FMN1: variants seen among roughly 807,000 people sequenced by gnomAD.
FMN1 encodes the protein formin 1.
Under a neutral mutation model 132.4 loss-of-function variants are expected in FMN1, and 110 were observed. That is an observed-to-expected ratio of 0.83 (90% CI 0.71 to 0.97). The LOEUF (loss-of-function observed/expected upper bound fraction) is 0.97, where lower values mean the gene tolerates loss of function less well. FMN1 is among the 50% of genes least tolerant of loss of function. The probability of loss-of-function intolerance (pLI) is 0.00; values close to 1 mark genes in which losing one functional copy is unlikely to be tolerated. For missense variants in FMN1, 1,792 were observed against 1,705.3 expected (o/e 1.05, Z -0.90); for synonymous variants, 722 against 651.7 (o/e 1.11, Z -1.64).
intron 6 of FMN1, among the ~76,000 whole-genome samples, chr15:33,031,829 T>C (rs1384990023): frequency 6.6e-6 from 1 of 152,226 alleles, no homozygotes; most frequent in South Asian, 2.1e-4. Flanking sequence ...TCATCAAGTT[T>C]CTATGTCCTA....
chr15:33,153,054 G>A lies in FMN1; in HGVS notation c.1861C>T (p.Pro621Ser). Reference protein sequence around the residue: ...KTTAEPQHQSPPGISSEGFPW... With the variant: ...KTTAEPQHQSSPGISSEGFPW... Reference sequence around the variant, plus strand: ...ATCTTAAACAGAGACTAACCTGGAGGTGACTGGTGCTGGGGCTCAGCTGTG... The same window carrying A: ...ATCTTAAACAGAGACTAACCTGGAGATGACTGGTGCTGGGGCTCAGCTGTG... The change falls in exon 4 of 21, where the codon CCT becomes TCT. Residue 621 changes from proline (P) to serine (S), a missense_variant. Pro to Ser is a moderately conservative substitution (Grantham distance 74). This residue lies in a region of FMN1 where 1,150 missense variants were observed against 1,043.1 expected (regional missense o/e 1.10). Transcript: ENST00000616417. 2.6e-6 allele frequency: 4 copies of A among 1,519,948 alleles called. No individual in the cohort carries two copies. Among genetic ancestry groups the A allele is most frequent in the Non-Finnish European group, 3.5e-6 (4 of 1,140,322 alleles). The allele number at this position is 1,519,948 out of a possible 1,614,324, so 94.2% of individuals were successfully genotyped here.
At position 33,153,222 on chromosome 15, in the gene FMN1, A is replaced by C; in HGVS notation, c.1693T>G (p.Cys565Gly). 1.3e-6 allele frequency: 2 copies of C among 1,536,020 alleles called. No individual in the cohort carries two copies. The highest frequency in any genetic ancestry group is 2.4e-5 in the East Asian group (1 of 40,886). Residue 565 changes from cysteine to glycine, a missense_variant, in exon 4 of 21, where the codon TGC becomes GGC. Cys to Gly is a radical substitution (Grantham distance 159, BLOSUM62 -3). This residue lies in a region of FMN1 where 1,150 missense variants were observed against 1,043.1 expected (regional missense o/e 1.10). Transcript: ENST00000616417. ...PCRKSRVFSGCVSADTLEPPS... is the reference protein window; with the variant it reads ...PCRKSRVFSGGVSADTLEPPS... The stretch of plus-strand genomic sequence containing the variant: ...GGCTCCAAGGTGTCAGCAGAGACGC[A>C]CCCAGAGAAGACACGGCTCTTTCTA...
chr15:32,968,064 T>C (rs1010020820), intron 8 of FMN1, among the ~76,000 whole-genome samples: 1 of 152,218 alleles, frequency 6.6e-6, no homozygotes. Flanking sequence ...TAACAATCTA[T>C]ACAAATGGAA....
At chr15:32,862,801 T>G (rs1400421824) in intron 16 of FMN1, among the ~76,000 whole-genome samples, 1 of 152,212 alleles carries the variant, frequency 6.6e-6, no homozygotes, top group Non-Finnish European at 1.5e-5. Context: ...GTGGGCTTAG[T>G]TAAGTCAGAA....
intron 4 of FMN1, among the ~76,000 whole-genome samples, chr15:33,136,188 TCAATGTTGTCC>T (rs1963758057): frequency 1.3e-5 from 2 of 152,198 alleles, no homozygotes; most frequent in African/African-American, 4.8e-5. Context: ...GGATTTAACA[TCAATGTTGTCC>T]CTCTGCTGTT....
rs749628405 is a variant in FMN1 at position 32,857,085 on chromosome 15, C to T, written c.3858G>A (p.Val1286=). The T allele has an allele frequency of 9.9e-6, 16 of 1,613,688 alleles. No homozygotes were observed. The highest frequency in any genetic ancestry group is 5.9e-6 in the Non-Finnish European group (7 of 1,179,604). Residue 1286 remains valine, a synonymous_variant, in exon 17 of 21, where the codon GTG becomes GTA. Coordinates refer to ENST00000616417, the MANE Select transcript of FMN1 (RefSeq NM_001277313.2). ...QLEASEKQMV[V]VCKESPKEYL... is the part of the protein sequence containing the mutation. ...ACTCCTTTGGGGACTCCTTGCACAC[C>T]ACCACCATCTGTTTCTCACTTGCTG...
chr15:32,969,250 T>G lies in FMN1; in HGVS notation c.2451A>C (p.Glu817Asp). 1 of 1,613,978 alleles carries G rather than the reference T, an allele frequency of 6.2e-7. No individual in the cohort carries two copies. Among genetic ancestry groups the G allele is most frequent in the Non-Finnish European group, 8.5e-7 (1 of 1,179,892 alleles). ...TDRETFLKPC[E>D]SESKTTRSNQ... ...TACTTCTGGTTGTCTTGCTTTCACTTTCACAGGGCTTGAGGAAGGTCTCTC... is the reference window on the plus strand; with the variant it reads ...TACTTCTGGTTGTCTTGCTTTCACTGTCACAGGGCTTGAGGAAGGTCTCTC... The change falls in exon 8 of 21, where the codon GAA (glutamate) becomes GAC (aspartate). Residue 817 changes from glutamate (E) to aspartate (D), a missense_variant. Transcript: ENST00000616417.
At chr15:32,878,767 C>A (rs982886850) in intron 16 of FMN1, among the ~76,000 whole-genome samples, 1 of 152,182 alleles carries the variant, frequency 6.6e-6, no homozygotes, top group Non-Finnish European at 1.5e-5. Context: ...GAATTCAGGA[C>A]TTCTGACCCA....
At chr15:32,975,595 G>A (rs1324124211) in intron 7 of FMN1, among the ~76,000 whole-genome samples, 4 of 151,966 alleles carry the variant, frequency 2.6e-5, no homozygotes, top group African/African-American at 9.7e-5. Flanking sequence ...TCTGTTACTT[G>A]CTCCGCTTTT....
chr15:32,799,230 G>A (rs896240659), intron 18 of FMN1, among the ~76,000 whole-genome samples: 1 of 152,102 alleles, frequency 6.6e-6, no homozygotes, highest in Non-Finnish European at 1.5e-5. Flanking sequence ...TAGGTAAAAC[G>A]TCTCGAGTTT....
At chr15:33,058,028 A>C (rs1435324415) in intron 6 of FMN1, among the ~76,000 whole-genome samples, 1 of 147,724 alleles carries the variant, frequency 6.8e-6, no homozygotes, top group Non-Finnish European at 1.5e-5. Context: ...GGTAGTGGAA[A>C]GGCGTGGCGG....
At chr15:32,801,787 T>C (rs2057490910) in intron 18 of FMN1, among the ~76,000 whole-genome samples, 1 of 151,474 alleles carries the variant, frequency 6.6e-6, no homozygotes, top group Non-Finnish European at 1.5e-5. Context: ...AGAATGAGAC[T>C]CCGTCTCAAA....
intron 16 of FMN1, among the ~76,000 whole-genome samples, chr15:32,879,487 A>C (rs2059712727): frequency 6.6e-6 from 1 of 152,336 alleles, no homozygotes; most frequent in East Asian, 1.9e-4. Flanking sequence ...CTAATGATCA[A>C]TACCCTGCTC....
intron 6 of FMN1, among the ~76,000 whole-genome samples, chr15:33,052,650 A>G (rs975739434): frequency 6.6e-6 from 1 of 152,188 alleles, no homozygotes; most frequent in Non-Finnish European, 1.5e-5. Context: ...CCAAATACCT[A>G]GGCAGATAAG....
intron 7 of FMN1, among the ~76,000 whole-genome samples, chr15:32,996,195 A>G (rs2033760145): frequency 1.3e-5 from 2 of 152,186 alleles, no homozygotes; most frequent in African/African-American, 4.8e-5. Context: ...ACATTGTCAC[A>G]CCCACTTTAA....
intron 9 of FMN1, among the ~76,000 whole-genome samples, chr15:32,958,646 T>C (rs2030125757): frequency 1.3e-5 from 2 of 152,240 alleles, no homozygotes; most frequent in South Asian, 2.1e-4. Flanking sequence ...TAGTTGAAGC[T>C]AGAAATTAGT....
At chr15:33,016,941 G>C (rs1175485663) in intron 6 of FMN1, among the ~76,000 whole-genome samples, 1 of 152,164 alleles carries the variant, frequency 6.6e-6, no homozygotes, top group African/African-American at 2.4e-5. Flanking sequence ...TTTTGGACCA[G>C]CTTGAGAGGC....
chr15:33,015,410 CTGTCTT>C (rs899622780), intron 6 of FMN1, among the ~76,000 whole-genome samples: 2 of 152,120 alleles, frequency 1.3e-5, no homozygotes, highest in African/African-American at 2.4e-5. Flanking sequence ...TATGATTCGT[CTGTCTT>C]TTCTAAGGGA....
intron 4 of FMN1, among the ~76,000 whole-genome samples, chr15:33,114,713 A>G (rs986866122): frequency 6.6e-6 from 1 of 152,138 alleles, no homozygotes; most frequent in Non-Finnish European, 1.5e-5. Flanking sequence ...CCTAAACTAT[A>G]AACTCCATAT....
Sources: allele counts gnomAD v4.1 joint callset (sites outside exome capture counted in the v4.1 genomes callset), GRCh38; gene constraint gnomAD v4.1.1; regional missense constraint gnomAD v4.1.1; transcripts MANE v1.5; gene names NCBI Gene and HGNC (gene_info 2026-07-23, HGNC 2026-07-21).